ANKS1B: variants seen among roughly 807,000 people sequenced by gnomAD.
ANKS1B encodes ankyrin repeat and sterile alpha motif domain-containing protein 1B.
A neutral mutation model predicts 148.3 loss-of-function variants in ANKS1B; 36 were observed. The ratio of observed to expected loss-of-function variants is 0.24; its 90% CI spans 0.19 to 0.32. The LOEUF is 0.32. Among genes scored for constraint, ANKS1B ranks in the 10% least tolerant of loss-of-function variants. ANKS1B has a pLI of 1.00. For missense variants in ANKS1B, 1,157 were observed against 1,542.6 expected (o/e 0.75, Z 4.19); for synonymous variants, 542 against 560.8 (o/e 0.97, Z 0.47).
chr12:99,124,389 T>C (rs2153733654), intron 15 of ANKS1B, among the ~76,000 whole-genome samples: 1 of 150,820 alleles, frequency 6.6e-6, no homozygotes, highest in African/African-American at 2.4e-5. Context: ...GACTGAAAAA[T>C]AAAAGCATGC....
At chr12:99,518,950 T>C (rs1315400214) in intron 9 of ANKS1B, among the ~76,000 whole-genome samples, 2 of 152,124 alleles carry the variant, frequency 1.3e-5, no homozygotes, top group Non-Finnish European at 2.9e-5. Flanking sequence ...TTGAGAAATT[T>C]TTCAATTTCC....
At chr12:99,040,047 C>T (rs2099957955) in intron 17 of ANKS1B, among the ~76,000 whole-genome samples, 1 of 152,096 alleles carries the variant, frequency 6.6e-6, no homozygotes. Flanking sequence ...TTTGGGGGGA[C>T]TGCGGGAAAA....
chr12:99,436,679 T>C (rs1049652154), intron 11 of ANKS1B, among the ~76,000 whole-genome samples: 3 of 152,066 alleles, frequency 2.0e-5, no homozygotes, highest in Admixed American at 6.6e-5. Context: ...AGAGGTGCTA[T>C]GGCTTATTAT....
At chr12:99,532,424 G>T (rs999743147) in intron 9 of ANKS1B, among the ~76,000 whole-genome samples, 1 of 152,164 alleles carries the variant, frequency 6.6e-6, no homozygotes. Flanking sequence ...GCAGTGGCCC[G>T]ATCTCGGCTC....
chr12:99,088,846 T>TTTG (rs1481914700), intron 15 of ANKS1B, among the ~76,000 whole-genome samples: 1 of 136,746 alleles, frequency 7.3e-6, no homozygotes. Flanking sequence ...CTGTTTTTTT[T>TTTG]TTTTTTTTTT....
chr12:99,072,575 T>A (rs1171583002), intron 16 of ANKS1B, among the ~76,000 whole-genome samples: 1 of 152,158 alleles, frequency 6.6e-6, no homozygotes, highest in African/African-American at 2.4e-5. Flanking sequence ...ATGACTTAAG[T>A]GGATTATTTA....
intron 17 of ANKS1B, among the ~76,000 whole-genome samples, chr12:98,843,787 C>CTTAA (rs1315984215): frequency 6.6e-6 from 1 of 152,204 alleles, no homozygotes; most frequent in African/African-American, 2.4e-5. Flanking sequence ...GACACTGAAT[C>CTTAA]TTAACATAAG....
chr12:99,477,601 T>C (rs2096345823), intron 10 of ANKS1B, among the ~76,000 whole-genome samples: 6 of 152,164 alleles, frequency 3.9e-5, no homozygotes, highest in Admixed American at 3.3e-4. Flanking sequence ...TAATATCATG[T>C]TTGTGGGAAA....
At chr12:99,316,580 G>C (rs985360441) in intron 12 of ANKS1B, among the ~76,000 whole-genome samples, 4 of 152,174 alleles carry the variant, frequency 2.6e-5, no homozygotes, top group Non-Finnish European at 4.4e-5. Flanking sequence ...CCCTTTGTCA[G>C]ATGAGTAGGT....
intron 15 of ANKS1B, among the ~76,000 whole-genome samples, chr12:99,087,513 C>T (rs954528815): frequency 6.6e-6 from 1 of 152,202 alleles, no homozygotes; most frequent in Non-Finnish European, 1.5e-5. Flanking sequence ...CAAGAAATTA[C>T]TCAGTGCACA....
rs571834731 is a variant in ANKS1B at position 99,556,314 on chromosome 12, TTC to T, written c.1273-51675_1273-51674del. 4.6e-5 allele frequency among the ~76,000 whole-genome samples: 7 copies of T among 152,238 alleles called. No homozygotes were observed. In the East Asian group the frequency reaches 5.8e-4, roughly 13 times the overall value. On this transcript the variant is annotated intron_variant, in intron 9 of 26. Coordinates refer to ENST00000683438, the MANE Select transcript of ANKS1B (RefSeq NM_001352186.2). The stretch of plus-strand genomic sequence containing the variant: ...TTTTCTGGTTGTGTTTATTTGGATC[TTC>T]TCTCTTTTTTTCTTTAGTATTCCGG...
intron 9 of ANKS1B, among the ~76,000 whole-genome samples, chr12:99,574,788 G>C (rs959512511): frequency 6.6e-6 from 1 of 151,998 alleles, no homozygotes; most frequent in African/African-American, 2.4e-5. Flanking sequence ...ACCTGATAAA[G>C]GGCATCTATG....
chr12:99,675,778 ATAAT>A (rs1433957287), intron 8 of ANKS1B, among the ~76,000 whole-genome samples: 2 of 152,120 alleles, frequency 1.3e-5, no homozygotes, highest in African/African-American at 2.4e-5. Flanking sequence ...ACCATAGAAA[ATAAT>A]TAAATTGTGC....
chr12:99,322,321 A>AG (rs1018080051), intron 12 of ANKS1B, among the ~76,000 whole-genome samples: 1 of 152,050 alleles, frequency 6.6e-6, no homozygotes, highest in African/African-American at 2.4e-5. Flanking sequence ...ACATGGACAC[A>AG]GGGGGGTGAA....
intron 12 of ANKS1B, among the ~76,000 whole-genome samples, chr12:99,315,730 T>C (rs2083951197): frequency 2.0e-5 from 3 of 152,174 alleles, no homozygotes; most frequent in Admixed American, 2.0e-4. Context: ...TGCAGGTTTG[T>C]TACATAGGTA....
At chr12:99,133,305 G>A (rs555908575) in intron 15 of ANKS1B, among the ~76,000 whole-genome samples, 2 of 151,786 alleles carry the variant, frequency 1.3e-5, no homozygotes, top group East Asian at 1.9e-4. Flanking sequence ...CACCTGCCTC[G>A]GCCTCCCAAA....
At chr12:99,304,523 G>A (rs1209399181) in intron 12 of ANKS1B, among the ~76,000 whole-genome samples, 4 of 152,116 alleles carry the variant, frequency 2.6e-5, no homozygotes, top group Non-Finnish European at 5.9e-5. Context: ...TGAGTTAGGA[G>A]GTGAAACTCA....
At chr12:99,881,735 G>A (rs2092512223) in intron 1 of ANKS1B, among the ~76,000 whole-genome samples, 2 of 152,290 alleles carry the variant, frequency 1.3e-5, no homozygotes, top group Admixed American at 6.5e-5. Flanking sequence ...GTTTGAAAAC[G>A]AATTGACACT....
intron 1 of ANKS1B, among the ~76,000 whole-genome samples, chr12:99,916,071 G>A (rs1217099359): frequency 2.0e-5 from 3 of 152,182 alleles, no homozygotes; most frequent in Non-Finnish European, 4.4e-5. Context: ...CCTATGACAA[G>A]TAGTTAATAA....
Sources: allele counts gnomAD v4.1 joint callset (sites outside exome capture counted in the v4.1 genomes callset), GRCh38; gene constraint gnomAD v4.1.1; transcripts MANE v1.5; gene names NCBI Gene and HGNC (gene_info 2026-07-23, HGNC 2026-07-21).